The following TCF3 variants were observed in gnomAD, a reference collection of about 807,000 sequenced individuals.
TCF3 encodes transcription factor 3.
A neutral mutation model predicts 72.3 loss-of-function variants in TCF3; 54 were observed. The observed-to-expected ratio is 0.75, with a 90% CI of 0.60 to 0.94. The LOEUF is 0.94. Ranked by LOEUF, TCF3 falls within the 40% of genes least tolerant of loss-of-function variation. TCF3 has a pLI of 0.00. For synonymous variants in TCF3, 525 were observed against 412.6 expected, an observed-to-expected ratio of 1.27 and a Z score of -3.30; for missense variants, 1,078 against 934.4, an observed-to-expected ratio of 1.15 and a Z score of -2.00.
chr19:1,641,573 C>T (rs2065248839), intron 3 of TCF3, among the ~76,000 whole-genome samples: 1 of 152,134 alleles, frequency 6.6e-6, no homozygotes, highest in Admixed American at 6.5e-5. Flanking sequence ...GTGTCTCAGC[C>T]TCCCGAGTAG....
At chr19:1,650,358 GCA>G in intron 1 of TCF3, 71 bp from the exon 2 acceptor site, 1 of 1,183,804 alleles carries the variant, frequency 8.4e-7, no homozygotes, top group Non-Finnish European at 1.2e-6. Flanking sequence ...AGTGGTCAAA[GCA>G]CAGAGTGCTA....
intron 4 of TCF3, 96 bp from the exon 5 acceptor site, chr19:1,632,212 T>C: frequency 6.4e-7 from 1 of 1,550,600 alleles, no homozygotes; most frequent in South Asian, 1.2e-5. Context: ...CAAACCCATG[T>C]CCCCCAGTCC....
At chr19:1,634,483 G>T (rs2064134137) in intron 3 of TCF3, among the ~76,000 whole-genome samples, 1 of 152,218 alleles carries the variant, frequency 6.6e-6, no homozygotes. Context: ...CCCACCCCTT[G>T]GGCTTCAGTT....
At chr19:1,648,586 G>A (rs532647879) in intron 2 of TCF3, among the ~76,000 whole-genome samples, 1 of 152,246 alleles carries the variant, frequency 6.6e-6, no homozygotes, top group East Asian at 1.9e-4. Context: ...TACTCAGCCA[G>A]GGAAGCAAAA....
intron 2 of TCF3, among the ~76,000 whole-genome samples, chr19:1,649,203 G>T (rs1057166897): frequency 1.3e-5 from 2 of 152,196 alleles, no homozygotes; most frequent in African/African-American, 4.8e-5. Context: ...CTGTCTGCTC[G>T]GTGGCCCATG....
Position 1,622,205 on chromosome 19 carries a change from G to T in TCF3, c.671C>A (p.Ser224Ter). 1 of 1,556,636 alleles carries T rather than the reference G, an allele frequency of 6.4e-7. No individual in the cohort carries two copies. Reference sequence around the variant, plus strand: ...GCCCGGGGGACTCCAGAGCTCGGCTGAGGGGTGCAGGCTGCCATCTGTGGA... The same window carrying T: ...GCCCGGGGGACTCCAGAGCTCGGCTTAGGGGTGCAGGCTGCCATCTGTGGA... ...FYVADGSLHPSAELWSPPGQA... is the reference protein window; with the variant it reads ...FYVADGSLHP The change falls in exon 10 of 19, where the codon TCA becomes TAA. Residue 224 changes from serine to a stop codon, truncating the protein, a stop_gained. Coordinates refer to ENST00000262965, the MANE Select transcript of TCF3 (RefSeq NM_003200.5). LOFTEE classifies it high-confidence loss of function.
chr19:1,641,283 G>C (rs745422510), intron 3 of TCF3, among the ~76,000 whole-genome samples: 1 of 151,886 alleles, frequency 6.6e-6, no homozygotes, highest in African/African-American at 2.4e-5. Flanking sequence ...AATCTCAGAA[G>C]GTTGCAAACT....
rs1285036325 is a variant in TCF3 at position 1,620,206 on chromosome 19, T to C, written c.1094-353A>G. Among the ~76,000 whole-genome samples the C allele has an allele frequency of 2.0e-5, 3 of 152,086 alleles. No individual in the cohort carries two copies. The East Asian group carries it at 5.8e-4, about 29-fold the overall frequency. On this transcript the variant is annotated intron_variant, in intron 13 of 18. Coordinates refer to ENST00000262965, the MANE Select transcript of TCF3 (RefSeq NM_003200.5). ...TGGGCTCCAGCAGCAGGCAAGAAAG[T>C]GGCAAGCTCCAGGTGGGACCAGACA...
At chr19:1,641,742 C>T (rs759737605) in intron 3 of TCF3, among the ~76,000 whole-genome samples, 2 of 151,980 alleles carry the variant, frequency 1.3e-5, no homozygotes, top group African/African-American at 4.8e-5. Flanking sequence ...TGTGAGCCAC[C>T]GCACCCAGCT....
At chr19:1,642,727 C>T (rs1177919543) in intron 3 of TCF3, among the ~76,000 whole-genome samples, 1 of 152,200 alleles carries the variant, frequency 6.6e-6, no homozygotes, top group Non-Finnish European at 1.5e-5. Flanking sequence ...CTTGCCTTGG[C>T]CTCCCAAGTG....
At chr19:1,623,470 G>A (rs777431198) in intron 8 of TCF3, among the ~76,000 whole-genome samples, 5 of 143,554 alleles carry the variant, frequency 3.5e-5, no homozygotes, top group Non-Finnish European at 7.5e-5. Flanking sequence ...TGCAACCTCC[G>A]CCTCCTGGGT....
intron 7 of TCF3, among the ~76,000 whole-genome samples, chr19:1,624,738 A>G (rs771961800): frequency 6.6e-6 from 1 of 152,226 alleles, no homozygotes; most frequent in Non-Finnish European, 1.5e-5. Context: ...GCCCAGGCGC[A>G]TGTGCCCAGC....
intron 3 of TCF3, among the ~76,000 whole-genome samples, chr19:1,642,198 GCAGACACGCACACACGCGCAGACGCA>G (rs1600045114): frequency 9.0e-6 from 1 of 110,708 alleles, no homozygotes; most frequent in Non-Finnish European, 2.1e-5. Flanking sequence ...AGACACAGAC[GCAGACACGCACACACGCGCAGACGCA>G]CAGACACGCA....
intron 6 of TCF3, 150 bp from the exon 7 acceptor site, chr19:1,625,858 C>A (rs1440560199): frequency 1.9e-6 from 2 of 1,036,728 alleles, no homozygotes; most frequent in Non-Finnish European, 2.6e-6. Context: ...TTCTCTGTGA[C>A]ACCTGCTGTG....
At chr19:1,635,189 C>T (rs1177629374) in intron 3 of TCF3, among the ~76,000 whole-genome samples, 2 of 152,212 alleles carry the variant, frequency 1.3e-5, no homozygotes, top group Non-Finnish European at 2.9e-5. Flanking sequence ...CATCCTATAG[C>T]CCCAGCTCTG....
rs1305941820 is a variant in TCF3 at position 1,609,733 on chromosome 19, T to C, written c.*1974A>G. ...CCCCTCCCCTCCGCCTGGCCTGGAC[T>C]GGGGGCAGATACCAGGCATTGAGCT... On this transcript the variant is annotated 3_prime_UTR_variant, in exon 19 of 19. Transcript: ENST00000262965. 4.4e-6 allele frequency: 1 copy of C among 227,492 alleles called. No individual in the cohort carries two copies. Among genetic ancestry groups the C allele is most frequent in the Non-Finnish European group, 8.7e-6 (1 of 115,288 alleles). The allele number at this position is 227,492 out of a possible 1,614,324, so 14.1% of individuals were successfully genotyped here.
chr19:1,639,898 C>T (rs886729497), intron 3 of TCF3, among the ~76,000 whole-genome samples: 1 of 151,996 alleles, frequency 6.6e-6, no homozygotes, highest in African/African-American at 2.4e-5. Flanking sequence ...GCAAAAGGGG[C>T]CTGTGATCTG....
intron 8 of TCF3, 42 bp from the exon 9 acceptor site, chr19:1,622,457 G>A: frequency 9.3e-7 from 1 of 1,074,732 alleles, no homozygotes. Context: ...CAGGACGGAG[G>A]GACCACGATC....
At chr19:1,629,275 C>A (rs2063391800) in intron 5 of TCF3, among the ~76,000 whole-genome samples, 1 of 151,938 alleles carries the variant, frequency 6.6e-6, no homozygotes, top group African/African-American at 2.4e-5. Context: ...GGCCTGGGGG[C>A]CCTGGCGGGG....
Sources: gnomAD v4.1 joint callset for allele counts (sites outside exome capture counted in the v4.1 genomes callset) on GRCh38, gnomAD v4.1.1 for gene constraint, MANE v1.5 for transcripts, NCBI Gene and HGNC (gene_info 2026-07-23, HGNC 2026-07-21) for gene names.